The following CAPZB variants were observed in gnomAD, a reference collection of about 807,000 sequenced individuals.
CAPZB encodes the protein F-actin-capping protein subunit beta.
Under a neutral mutation model 38.1 loss-of-function variants are expected in CAPZB, and 2 were observed. That is an observed-to-expected ratio of 0.05 (90% CI 0.02 to 0.17). CAPZB has a LOEUF of 0.17. Among genes scored for constraint, CAPZB ranks in the 10% least tolerant of loss-of-function variants. The pLI is 1.00. For synonymous variants in CAPZB, 107 were observed against 127.4 expected, an observed-to-expected ratio of 0.84 and a Z score of 1.08; for missense variants, 161 against 334.2, an observed-to-expected ratio of 0.48 and a Z score of 4.04.
intron 1 of CAPZB, among the ~76,000 whole-genome samples, chr1:19,469,117 G>A (rs771274509): frequency 6.6e-6 from 1 of 152,156 alleles, no homozygotes; most frequent in Non-Finnish European, 1.5e-5. Context: ...AGACGGGTAC[G>A]AAGGCCAGCA....
intron 1 of CAPZB, among the ~76,000 whole-genome samples, chr1:19,425,225 CTTCACCAG>C (rs765908805): frequency 6.6e-6 from 1 of 152,230 alleles, no homozygotes; most frequent in Non-Finnish European, 1.5e-5. Context: ...ATACAATGAG[CTTCACCAG>C]TTCCACCACC....
intron 1 of CAPZB, among the ~76,000 whole-genome samples, chr1:19,477,082 A>T (rs2094609511): frequency 6.6e-6 from 1 of 152,216 alleles, no homozygotes; most frequent in African/African-American, 2.4e-5. Context: ...GTGTTGAGAG[A>T]ATTACAGACA....
At chr1:19,473,320 A>G (rs1384820327) in intron 1 of CAPZB, among the ~76,000 whole-genome samples, 1 of 152,174 alleles carries the variant, frequency 6.6e-6, no homozygotes, top group Non-Finnish European at 1.5e-5. Flanking sequence ...CCATATCCAC[A>G]TCTGCAAAAT....
intron 2 of CAPZB, among the ~76,000 whole-genome samples, chr1:19,411,203 T>C (rs2100439688): frequency 6.6e-6 from 1 of 152,276 alleles, no homozygotes; most frequent in East Asian, 1.9e-4. Context: ...ATCTCTATTT[T>C]CTATGTTTAA....
At chr1:19,469,739 A>AATACAC (rs763925732) in intron 1 of CAPZB, among the ~76,000 whole-genome samples, 4 of 74,082 alleles carry the variant, frequency 5.4e-5, no homozygotes, top group Non-Finnish European at 8.2e-5. Context: ...GGAGGAAAAG[A>AATACAC]ATACACACAC....
intron 1 of CAPZB, among the ~76,000 whole-genome samples, chr1:19,481,029 T>C (rs950954236): frequency 6.6e-6 from 1 of 152,192 alleles, no homozygotes; most frequent in Admixed American, 6.5e-5. Context: ...TTGACAGATA[T>C]TACTTAACCC....
chr1:19,427,821 C>A (rs191264317), intron 1 of CAPZB, among the ~76,000 whole-genome samples: 2 of 152,236 alleles, frequency 1.3e-5, no homozygotes, highest in Non-Finnish European at 2.9e-5. Context: ...GTCCACTTGG[C>A]GGACCAAGCC....
At chr1:19,468,567 C>A (rs1430022007) in intron 1 of CAPZB, among the ~76,000 whole-genome samples, 3 of 152,068 alleles carry the variant, frequency 2.0e-5, no homozygotes, top group African/African-American at 7.2e-5. Flanking sequence ...CAGGGTGGGG[C>A]GGAGCAGGGC....
intron 2 of CAPZB, among the ~76,000 whole-genome samples, chr1:19,408,505 A>G (rs922973615): frequency 6.6e-6 from 1 of 152,154 alleles, no homozygotes; most frequent in Non-Finnish European, 1.5e-5. Context: ...TGTGGGCTGG[A>G]GTATCTGCTG....
intron 6 of CAPZB, among the ~76,000 whole-genome samples, chr1:19,345,902 C>T (rs1168867821): frequency 6.6e-6 from 1 of 152,180 alleles, no homozygotes; most frequent in Non-Finnish European, 1.5e-5. Context: ...AAGAGAGTCT[C>T]AATATAGACT....
Position 19,465,892 on chromosome 1 carries a change from C to A in CAPZB, c.3+19544G>T, listed in dbSNP as rs577874742. 2.2e-4 allele frequency among the ~76,000 whole-genome samples: 34 copies of A among 152,204 alleles called. 1 individual carries two copies. In the South Asian group the frequency reaches 3.7e-3, roughly 17 times the overall value. On this transcript the variant is annotated intron_variant, in intron 1 of 8. Transcript: ENST00000264202. ...GATAAGACCAACAACATGTACGGAG[C>A]CCTATATGTGCTAGGTATGACAGGC...
intron 1 of CAPZB, among the ~76,000 whole-genome samples, chr1:19,445,579 TC>T (rs1426806210): frequency 1.3e-5 from 2 of 152,182 alleles, no homozygotes; most frequent in African/African-American, 2.4e-5. Context: ...TTCCCATTCT[TC>T]CAGATGTTTT....
intron 1 of CAPZB, among the ~76,000 whole-genome samples, chr1:19,451,845 G>A (rs1339077474): frequency 6.6e-6 from 1 of 152,026 alleles, no homozygotes. Context: ...AAACCTAGCA[G>A]TTATCATGCA....
chr1:19,466,575 T>C (rs778224836), intron 1 of CAPZB, among the ~76,000 whole-genome samples: 1 of 152,106 alleles, frequency 6.6e-6, no homozygotes, highest in South Asian at 2.1e-4. Context: ...GGTGCTCACA[T>C]GGTCTGATAT....
intron 1 of CAPZB, among the ~76,000 whole-genome samples, chr1:19,462,280 G>A (rs979120445): frequency 4.3e-5 from 6 of 138,532 alleles, no homozygotes; most frequent in Non-Finnish European, 9.4e-5. Context: ...GTGAAACCCC[G>A]TCTCTACTAA....
At chr1:19,426,524 GC>G (rs919526366) in intron 1 of CAPZB, among the ~76,000 whole-genome samples, 1 of 152,030 alleles carries the variant, frequency 6.6e-6, no homozygotes, top group African/African-American at 2.4e-5. Flanking sequence ...CACAAATGAT[GC>G]CCTATGACTT....
chr1:19,427,910 T>C (rs907557894), intron 1 of CAPZB, among the ~76,000 whole-genome samples: 1 of 152,228 alleles, frequency 6.6e-6, no homozygotes, highest in African/African-American at 2.4e-5. Flanking sequence ...TTTTTTTGTT[T>C]GTTTTGTTTT....
chr1:19,407,420 G>C (rs2094337403), intron 2 of CAPZB, among the ~76,000 whole-genome samples: 1 of 152,172 alleles, frequency 6.6e-6, no homozygotes, highest in Non-Finnish European at 1.5e-5. Context: ...ACATAGACTG[G>C]GGGGCTCTCA....
At chr1:19,389,168 G>A (rs1013825579) in intron 2 of CAPZB, among the ~76,000 whole-genome samples, 1 of 152,088 alleles carries the variant, frequency 6.6e-6, no homozygotes, top group Non-Finnish European at 1.5e-5. Flanking sequence ...GCTGCCCAAA[G>A]GTGCATTAGT....
Sources: gnomAD v4.1 joint callset for allele counts (sites outside exome capture counted in the v4.1 genomes callset) on GRCh38, gnomAD v4.1.1 for gene constraint, MANE v1.5 for transcripts, NCBI Gene and HGNC (gene_info 2026-07-23, HGNC 2026-07-21) for gene names.